MAF: variants seen among roughly 807,000 people sequenced by gnomAD.
MAF encodes the protein transcription factor Maf.
In MAF, 10 loss-of-function variants were observed where a neutral mutation model predicts 22.0. The observed-to-expected ratio is 0.45, with a 90% CI of 0.28 to 0.77. The LOEUF (loss-of-function observed/expected upper bound fraction) is 0.77. Among genes scored for constraint, MAF ranks in the 30% least tolerant of loss-of-function variants. MAF has a pLI of 0.12. For synonymous variants in MAF, 337 were observed against 255.8 expected (o/e 1.32, Z -3.03); for missense variants, 544 against 548.4 (o/e 0.99, Z 0.08).
the MAF span, among the ~76,000 whole-genome samples, chr16:79,210,279 G>C: frequency 0.68 from 103,273 of 152,014 alleles, 36,065 homozygotes; most frequent in Non-Finnish European, 0.76. Context: ...CCTTATGGCA[G>C]ATTCTTCACG....
At chr16:79,289,903 G>C in the MAF span, among the ~76,000 whole-genome samples, 7 of 131,706 alleles carry the variant, frequency 5.3e-5, no homozygotes, top group African/African-American at 1.4e-4. Flanking sequence ...CCTGGCTGGA[G>C]TGCAGTGGCG....
the MAF span, among the ~76,000 whole-genome samples, chr16:79,498,190 A>C: frequency 2.0e-5 from 3 of 152,216 alleles, no homozygotes; most frequent in East Asian, 5.8e-4. Flanking sequence ...CTTGCTAAGT[A>C]TAACCATAGA....
the MAF span, among the ~76,000 whole-genome samples, chr16:79,508,917 A>T: frequency 6.6e-6 from 1 of 151,928 alleles, no homozygotes; most frequent in Non-Finnish European, 1.5e-5. Flanking sequence ...GAATGGGGGG[A>T]AATGTTTTGG....
chr16:79,445,646 G>A, the MAF span, among the ~76,000 whole-genome samples: 1 of 152,216 alleles, frequency 6.6e-6, no homozygotes, highest in East Asian at 1.9e-4. Flanking sequence ...CTTCCATGGA[G>A]TCAGGGAAGG....
At chr16:79,554,577 G>A in the MAF span, among the ~76,000 whole-genome samples, 1 of 152,140 alleles carries the variant, frequency 6.6e-6, no homozygotes, top group Non-Finnish European at 1.5e-5. Context: ...GAGGACATTT[G>A]CAAACAAGTG....
At chr16:79,535,072 T>C in the MAF span, among the ~76,000 whole-genome samples, 1 of 152,194 alleles carries the variant, frequency 6.6e-6, no homozygotes, top group African/African-American at 2.4e-5. Context: ...TTGACTTACT[T>C]AGGACAAAGT....
At chr16:79,350,601 C>G in the MAF span, among the ~76,000 whole-genome samples, 6 of 152,124 alleles carry the variant, frequency 3.9e-5, no homozygotes, top group Non-Finnish European at 8.8e-5. Flanking sequence ...GCTGAAAAAC[C>G]TCCCGCTGCT....
chr16:79,404,983 A>C, the MAF span, among the ~76,000 whole-genome samples: 2 of 152,148 alleles, frequency 1.3e-5, no homozygotes, highest in Admixed American at 6.5e-5. Flanking sequence ...GTTGGTTAGT[A>C]CCGAACCACA....
the MAF span, among the ~76,000 whole-genome samples, chr16:79,343,908 C>A: frequency 6.6e-6 from 1 of 152,194 alleles, no homozygotes; most frequent in African/African-American, 2.4e-5. Flanking sequence ...AAAAGCAAAA[C>A]TGGACTTCCT....
chr16:79,441,500 G>C, the MAF span, among the ~76,000 whole-genome samples: 3 of 152,066 alleles, frequency 2.0e-5, no homozygotes, highest in African/African-American at 7.2e-5. Flanking sequence ...GAATACATGG[G>C]GTGGCTGTAT....
chr16:79,414,289 G>A, the MAF span, among the ~76,000 whole-genome samples: 5 of 152,184 alleles, frequency 3.3e-5, no homozygotes, highest in Non-Finnish European at 5.9e-5. Flanking sequence ...CAAGAAGCAT[G>A]GTGCCAGCAT....
chr16:79,409,621 A>G, the MAF span, among the ~76,000 whole-genome samples: 1 of 152,194 alleles, frequency 6.6e-6, no homozygotes, highest in Non-Finnish European at 1.5e-5. Flanking sequence ...CCTCAGCCAA[A>G]CCCAGCTCAC....
chr16:79,229,615 G>C, the MAF span, among the ~76,000 whole-genome samples: 2 of 152,134 alleles, frequency 1.3e-5, no homozygotes, highest in Non-Finnish European at 2.9e-5. Flanking sequence ...CTGTGGACAG[G>C]GGCGTGAGGA....
the MAF span, among the ~76,000 whole-genome samples, chr16:79,298,582 G>A: frequency 2.0e-5 from 3 of 152,232 alleles, no homozygotes; most frequent in African/African-American, 7.2e-5. Flanking sequence ...TTAAGAAGCA[G>A]TGGGCAGAAA....
At chr16:79,416,701 C>G in the MAF span, among the ~76,000 whole-genome samples, 1 of 152,116 alleles carries the variant, frequency 6.6e-6, no homozygotes, top group African/African-American at 2.4e-5. Context: ...TCAGTTCTGT[C>G]CAAGGCCAAG....
the MAF span, among the ~76,000 whole-genome samples, chr16:79,229,684 CGGGG>C: frequency 6.6e-6 from 1 of 150,418 alleles, no homozygotes; most frequent in Admixed American, 6.6e-5. Flanking sequence ...GCTTGAGCCA[CGGGG>C]CTGGCTCCTC....
the MAF span, among the ~76,000 whole-genome samples, chr16:79,242,504 C>T: frequency 6.6e-6 from 1 of 151,858 alleles, no homozygotes; most frequent in South Asian, 2.1e-4. Context: ...GAAGAGATAA[C>T]TATCCTAAAT....
At chr16:79,470,612 C>A in the MAF span, among the ~76,000 whole-genome samples, 1 of 152,148 alleles carries the variant, frequency 6.6e-6, no homozygotes, top group African/African-American at 2.4e-5. Flanking sequence ...TCATAGCAAC[C>A]CAGTGGAACT....
the MAF span, among the ~76,000 whole-genome samples, chr16:79,361,004 C>G: frequency 1.3e-5 from 2 of 152,188 alleles, no homozygotes; most frequent in African/African-American, 4.8e-5. Context: ...AAGACTCCTT[C>G]ACCCCCCAGC....
Sources: gnomAD v4.1 joint callset for allele counts (sites outside exome capture counted in the v4.1 genomes callset) on GRCh38, gnomAD v4.1.1 for gene constraint, MANE v1.5 for transcripts, NCBI Gene and HGNC (gene_info 2026-07-23, HGNC 2026-07-21) for gene names.